The following LPCAT3 variants were observed in gnomAD, a reference collection of about 807,000 sequenced individuals.
LPCAT3 encodes lysophosphatidylcholine acyltransferase 3.
Under a neutral mutation model 63.4 loss-of-function variants are expected in LPCAT3, and 21 were observed. That is an observed-to-expected ratio of 0.33 (90% CI 0.23 to 0.48). The LOEUF (loss-of-function observed/expected upper bound fraction) is 0.48. LPCAT3 is among the 20% of genes least tolerant of loss of function. LPCAT3 has a pLI of 0.99. For missense variants in LPCAT3, 451 were observed against 590.6 expected (o/e 0.76, Z 2.45); for synonymous variants, 242 against 227.5 (o/e 1.06, Z -0.58).
intron 1 of LPCAT3, among the ~76,000 whole-genome samples, chr12:6,985,533 G>C (rs781889368): frequency 1.5e-4 from 23 of 151,020 alleles, no homozygotes; most frequent in African/African-American, 5.3e-4. Context: ...GGCCAACATG[G>C]TGAAACCCCA....
In LPCAT3 at chr12:6,987,427, A is replaced by G. The variant is rs868990458; in HGVS notation, c.152-3888T>C. On this transcript the variant is annotated intron_variant, in intron 1 of 12. Transcript: ENST00000261407. The surrounding 1 kb of genome is among the most constrained non-coding windows in gnomAD (Gnocchi z 4.1). ...ACCCTTTCAGGTAGATCAATGAGCA[A>G]GGAAATAGGATCAAGTCTCATATAT... Among the ~76,000 whole-genome samples, 1 of 152,238 alleles carries G rather than the reference A, an allele frequency of 6.6e-6. No homozygotes were observed. The highest frequency in any genetic ancestry group is 1.5e-5 in the Non-Finnish European group (1 of 68,036).
intron 1 of LPCAT3, among the ~76,000 whole-genome samples, chr12:6,989,122 CAAA>C (rs782103069): frequency 7.5e-6 from 1 of 132,676 alleles, no homozygotes. Context: ...AACTCCATCT[CAAA>C]AAAAAAAAAA....
chr12:7,000,763 G>A (rs1242735323), intron 1 of LPCAT3, among the ~76,000 whole-genome samples: 2 of 151,676 alleles, frequency 1.3e-5, no homozygotes, highest in Admixed American at 6.6e-5. Flanking sequence ...CTAGAGTGCA[G>A]TGGCGCGATC....
intron 1 of LPCAT3, among the ~76,000 whole-genome samples, chr12:7,013,351 C>G (rs1461630108): frequency 6.6e-6 from 1 of 152,208 alleles, no homozygotes; most frequent in Non-Finnish European, 1.5e-5. Flanking sequence ...GGTATGGAAG[C>G]CCCTGAAGGG....
Position 7,006,461 on chromosome 12 carries a change from C to T in LPCAT3, c.151+11813G>A, listed in dbSNP as rs904461325. Among the ~76,000 whole-genome samples the T allele has an allele frequency of 1.0e-3, 158 of 152,260 alleles. 2 individuals carry two copies. Among genetic ancestry groups the T allele is most frequent in the Non-Finnish European group, 2.6e-4 (18 of 68,018 alleles). ...CTCCAACTCCTGACCTCAAATGATC[C>T]GCCCACCTTGGCCTCCCAAAGTGCT... On this transcript the variant is annotated intron_variant, in intron 1 of 12. Coordinates refer to ENST00000261407, the MANE Select transcript of LPCAT3 (RefSeq NM_005768.6).
At chr12:7,002,749 G>A (rs1038384220) in intron 1 of LPCAT3, among the ~76,000 whole-genome samples, 7 of 152,182 alleles carry the variant, frequency 4.6e-5, no homozygotes, top group African/African-American at 1.4e-4. Flanking sequence ...AGTGGCTAAC[G>A]CCTGTAATCC....
In LPCAT3 at chr12:7,017,308, GC is replaced by G. The variant is rs1565608164; in HGVS notation, c.151+965del. On this transcript the variant is annotated intron_variant, in intron 1 of 12. Transcript: ENST00000261407. The surrounding 1 kb of genome is among the most constrained non-coding windows in gnomAD (Gnocchi z 4.1). The stretch of plus-strand genomic sequence containing the variant: ...TATGTACAGGTACTTCCCAATCTTG[GC>G]CCTTCTACAGGACTTTATGGCAATC... Among the ~76,000 whole-genome samples, 1 of 152,096 alleles carries G rather than the reference GC, an allele frequency of 6.6e-6. No homozygotes were observed. The highest frequency in any genetic ancestry group is 1.5e-5 in the Non-Finnish European group (1 of 68,022).
rs998401187 is a variant in LPCAT3 at position 6,986,066 on chromosome 12, C to T, written c.152-2527G>A. ...CTAGGATTACAGGCGTGAGCCACCA[C>T]GCCCGGCCAACTGGTGTTTTTTTTT... On this transcript the variant is annotated intron_variant, in intron 1 of 12. Coordinates refer to ENST00000261407, the MANE Select transcript of LPCAT3 (RefSeq NM_005768.6). Among the ~76,000 whole-genome samples, 8 of 152,046 alleles carry T rather than the reference C, an allele frequency of 5.3e-5. No homozygotes were observed. In the South Asian group the frequency reaches 1.2e-3, roughly 24 times the overall value.
intron 1 of LPCAT3, among the ~76,000 whole-genome samples, chr12:6,990,526 A>AAAATAAAAT (rs1555155363): frequency 6.9e-6 from 1 of 144,404 alleles, no homozygotes; most frequent in East Asian, 2.0e-4. Flanking sequence ...AAATTAAAAT[A>AAAATAAAAT]AAATAAATAA....
intron 1 of LPCAT3, among the ~76,000 whole-genome samples, chr12:7,008,746 C>T (rs1946743379): frequency 6.7e-6 from 1 of 149,582 alleles, no homozygotes; most frequent in African/African-American, 2.5e-5. Flanking sequence ...AGTGAGACTC[C>T]ATCTCAAAAA....
At chr12:6,979,828 T>A (rs1244302969) in intron 6 of LPCAT3, 1 of 514,868 alleles carries the variant, frequency 1.9e-6, no homozygotes, top group African/African-American at 1.9e-5. Flanking sequence ...ACCAGTCTTG[T>A]GTTTACCCCT....
chr12:6,978,277 C>T (rs1238717452), intron 9 of LPCAT3, 64 bp downstream of exon 9: 54 of 1,542,362 alleles, frequency 3.5e-5, no homozygotes, highest in Non-Finnish European at 4.6e-5. Context: ...ACACCCCTGC[C>T]CTCCAATCTG....
chr12:7,003,360 T>G (rs1240141456), intron 1 of LPCAT3, among the ~76,000 whole-genome samples: 3 of 126,404 alleles, frequency 2.4e-5, no homozygotes, highest in African/African-American at 9.7e-5. Flanking sequence ...GTAGGGTGAG[T>G]TTTTTTTTTT....
At chr12:6,980,916 G>T in intron 6 of LPCAT3, 88 bp downstream of exon 6, 1 of 1,345,200 alleles carries the variant, frequency 7.4e-7, no homozygotes, top group Non-Finnish European at 1.0e-6. Context: ...CTATGCCAGG[G>T]TCATGCTGGA....
intron 8 of LPCAT3, 39 bp from the exon 9 acceptor site, chr12:6,978,546 C>T (rs1946435507): frequency 6.2e-7 from 1 of 1,612,630 alleles, no homozygotes; most frequent in Middle Eastern, 1.7e-4. Context: ...TTGCCACTCC[C>T]CATACTGGCC....
intron 1 of LPCAT3, among the ~76,000 whole-genome samples, chr12:6,984,720 G>A (rs1325015551): frequency 6.6e-6 from 1 of 152,020 alleles, no homozygotes; most frequent in Non-Finnish European, 1.5e-5. Context: ...TTGAGTAGCT[G>A]GGACCACAGG....
chr12:6,996,535 T>C (rs782402235), intron 1 of LPCAT3, among the ~76,000 whole-genome samples: 1 of 152,334 alleles, frequency 6.6e-6, no homozygotes, highest in South Asian at 2.1e-4. Flanking sequence ...CAGTGCATAG[T>C]ACAGTTCCTG....
At chr12:6,989,252 A>T (rs1422091894) in intron 1 of LPCAT3, among the ~76,000 whole-genome samples, 2 of 151,672 alleles carry the variant, frequency 1.3e-5, no homozygotes, top group Non-Finnish European at 2.9e-5. Flanking sequence ...TCCAAACCTG[A>T]GGATCTTCTA....
chr12:6,987,663 G>A lies in LPCAT3; in HGVS notation c.152-4124C>T, dbSNP rs2138339259. On this transcript the variant is annotated intron_variant, in intron 1 of 12. Coordinates refer to ENST00000261407, the MANE Select transcript of LPCAT3 (RefSeq NM_005768.6). The surrounding 1 kb of genome is among the most constrained non-coding windows in gnomAD (Gnocchi z 4.1). ...TAGAGCACTCATAAATAAGTTCTAG[G>A]TAGCTAAGTTTCTCTCTTTAAGCAT... The A allele has an allele frequency of 2.5e-6, 1 of 395,640 alleles. No individual in the cohort carries two copies. The highest frequency in any genetic ancestry group is 1.4e-4 in the South Asian group (1 of 7,140). 24.5% of individuals were successfully genotyped at this position (395,640 alleles called of 1,614,324 possible). A position where few individuals can be genotyped will look rare whatever the true frequency, so the allele number is the denominator to read the frequency against.
Sources: allele counts gnomAD v4.1 joint callset (sites outside exome capture counted in the v4.1 genomes callset), GRCh38; gene constraint gnomAD v4.1.1; non-coding constraint Gnocchi (gnomAD v3.1); transcripts MANE v1.5; gene names NCBI Gene and HGNC (gene_info 2026-07-23, HGNC 2026-07-21).